Variants in BRWD1 observed in about 807,000 individuals in gnomAD.
BRWD1 encodes the protein bromodomain and WD repeat domain containing 1, also known as bromodomain and WD repeat-containing protein 1.
A neutral mutation model predicts 251.2 loss-of-function variants in BRWD1; 82 were observed. The ratio of observed to expected loss-of-function variants is 0.33; its 90% confidence interval spans 0.27 to 0.39. BRWD1 has a LOEUF of 0.39. BRWD1 is among the 10% of genes least tolerant of loss of function. The pLI is 1.00. For synonymous variants in BRWD1, 918 were observed against 902.8 expected, an observed-to-expected ratio of 1.02 and a Z score of -0.30; for missense variants, 2,233 against 2,711.6, an observed-to-expected ratio of 0.82 and a Z score of 3.92.
At position 39,313,223 on chromosome 21, in the gene BRWD1, C is replaced by G. The variant is rs1280004393; in HGVS notation, c.108+18G>C. The G allele has an allele frequency of 2.6e-6, 4 of 1,526,196 alleles. No individual in the cohort carries two copies. Among genetic ancestry groups the G allele is most frequent in the Non-Finnish European group, 3.5e-6 (4 of 1,130,558 alleles). 94.5% of individuals were successfully genotyped at this position (1,526,196 alleles called of 1,614,324 possible). Reference sequence around the variant, plus strand: ...CTGGGGACGCCAAGTCCGCAGCCGCCCGCGGGCCCGCACTCACCTGGGCCG... The same window carrying G: ...CTGGGGACGCCAAGTCCGCAGCCGCGCGCGGGCCCGCACTCACCTGGGCCG... On this transcript the variant is annotated intron_variant, in intron 2 of 40. Transcript: ENST00000342449.
chr21:39,309,207 G>T (rs1390198744), intron 4 of BRWD1, among the ~76,000 whole-genome samples: 1 of 151,758 alleles, frequency 6.6e-6, no homozygotes, highest in African/African-American at 2.4e-5. Context: ...GGAAGGTGTG[G>T]TGGCTCACAC....
At position 39,295,175 on chromosome 21, in the gene BRWD1, G is replaced by T. The variant is rs1473421833; in HGVS notation, c.609+568C>A. On this transcript the variant is annotated intron_variant, in intron 7 of 40. Transcript: ENST00000342449. ...GAGGGAAAGTGTTAGGTATGTCTAT[G>T]TTTTTTTTTTTTTTTTTTTTTTTTT... Among the ~76,000 whole-genome samples, 65 of 64,726 alleles carry T rather than the reference G, an allele frequency of 1.0e-3. 1 individual carries two copies. The highest frequency in any genetic ancestry group is 3.2e-3 in the African/African-American group (62 of 19,188). The allele number at this position is 64,726 out of a possible 152,430, so 42.5% of individuals were successfully genotyped here. A position where few individuals can be genotyped will look rare whatever the true frequency, so the allele number is the denominator to read the frequency against.
In BRWD1 at chr21:39,280,235, G is replaced by C. The variant is rs956723063; in HGVS notation, c.845C>G (p.Ala282Gly). ...SITSLQFSPM[A>G]KGSQRYMVST... is the part of the protein sequence containing the mutation. ...AACCATGTATCTTTGAGAGCCTTTG[G>C]CCATCGGGCTAAACTAAAAAGTAAA... The change falls in exon 9 of 41, where the codon GCC becomes GGC. Residue 282 changes from alanine (A) to glycine (G), a missense_variant. By Grantham distance (60) the Ala-to-Gly change is moderately conservative (BLOSUM62 0). Transcript: ENST00000342449. The C allele has an allele frequency of 2.5e-6, 4 of 1,605,766 alleles. No individual in the cohort carries two copies. The highest frequency in any genetic ancestry group is 3.4e-6 in the Non-Finnish European group (4 of 1,177,324).
At chr21:39,289,233 G>A (rs1392104989) in intron 8 of BRWD1, among the ~76,000 whole-genome samples, 1 of 151,994 alleles carries the variant, frequency 6.6e-6, no homozygotes, top group African/African-American at 2.4e-5. Context: ...GCAATCTCTT[G>A]CTATACTTTT....
At chr21:39,224,957 G>A (rs1446856523) in intron 28 of BRWD1, 129 bp downstream of exon 28, 6 of 670,086 alleles carry the variant, frequency 9.0e-6, no homozygotes, top group South Asian at 5.4e-5. Context: ...GAGACATTTC[G>A]GGTCAGCCTG....
At chr21:39,217,026 TATATATATAA>T (rs2032934791) in intron 31 of BRWD1, 31 of 20,614 alleles carry the variant, frequency 1.5e-3, no homozygotes, top group African/African-American at 3.0e-3. Context: ...TATATATATA[TATATATATAA>T]ATATATATAT....
In BRWD1 at chr21:39,313,234, C is replaced by CG. The variant is rs1313005295; in HGVS notation, c.108+6_108+7insC. The CG allele has an allele frequency of 6.5e-7, 1 of 1,536,044 alleles. No individual in the cohort carries two copies. Among genetic ancestry groups the CG allele is most frequent in the East Asian group, 2.5e-5 (1 of 39,392 alleles). On this transcript the variant is annotated splice_region_variant and intron_variant, in intron 2 of 40. Transcript: ENST00000342449. ...AAGTCCGCAGCCGCCCGCGGGCCCG[C>CG]ACTCACCTGGGCCGCTCTCCGACAC...
chr21:39,203,490 T>G (rs1354021599), intron 37 of BRWD1, among the ~76,000 whole-genome samples: 2 of 128,886 alleles, frequency 1.6e-5, no homozygotes, highest in Non-Finnish European at 1.6e-5. Flanking sequence ...CACTGCAAGC[T>G]CCGCCTCCCG....
upstream of BRWD1, chr21:39,314,022 C>T (rs1361185752): frequency 6.6e-6 from 3 of 455,210 alleles, no homozygotes; most frequent in East Asian, 1.4e-4. Flanking sequence ...TACGCGGGAC[C>T]GCAGGGGCCC....
chr21:39,187,903 G>A lies in BRWD1; in HGVS notation c.*8356C>T, dbSNP rs564771858. 1.0e-6 allele frequency: 1 copy of A among 977,332 alleles called. No individual in the cohort carries two copies. The highest frequency in any genetic ancestry group is 1.8e-5 in the African/African-American group (1 of 57,002). The allele number at this position is 977,332 out of a possible 1,614,324, so 60.5% of individuals were successfully genotyped here. ...TAACCTAGCCTAAGGGATCAAGGAAGGCTTCCTTTAAGGAAGCTTTTAGAC... is the reference window on the plus strand; with the variant it reads ...TAACCTAGCCTAAGGGATCAAGGAAAGCTTCCTTTAAGGAAGCTTTTAGAC... On this transcript the variant is annotated 3_prime_UTR_variant, in exon 41 of 41. Coordinates refer to ENST00000342449, the MANE Select transcript of BRWD1 (RefSeq NM_033656.4).
At position 39,194,662 on chromosome 21, in the gene BRWD1, G is replaced by T; in HGVS notation, c.*1597C>A. 1 of 1,533,642 alleles carries T rather than the reference G, an allele frequency of 6.5e-7. No individual in the cohort carries two copies. Among genetic ancestry groups the T allele is most frequent in the Non-Finnish European group, 8.7e-7 (1 of 1,145,230 alleles). On this transcript the variant is annotated 3_prime_UTR_variant, in exon 41 of 41. Transcript: ENST00000342449. ...AATGGAATAGATAACTACAAAATAG[G>T]AACACTTCAGAACATTCTCTAACAT...
At chr21:39,318,954 T>G (rs892098742) in intron 1 of BRWD1, among the ~76,000 whole-genome samples, 2 of 152,168 alleles carry the variant, frequency 1.3e-5, no homozygotes, top group Admixed American at 6.6e-5. Context: ...TTATTTATTT[T>G]TTAGAGACAG....
At chr21:39,284,447 C>T (rs1308832626) in intron 8 of BRWD1, among the ~76,000 whole-genome samples, 1 of 152,198 alleles carries the variant, frequency 6.6e-6, no homozygotes, top group East Asian at 1.9e-4. Context: ...CACTGCACTC[C>T]AGCCTGGGCA....
chr21:39,198,962 A>T lies in BRWD1; in HGVS notation c.5454T>A (p.Ile1818=). 1.2e-6 allele frequency: 2 copies of T among 1,613,876 alleles called. No homozygotes were observed. The highest frequency in any genetic ancestry group is 1.7e-6 in the Non-Finnish European group (2 of 1,179,968). The change falls in exon 40 of 41, where the codon ATT becomes ATA. Residue 1818 remains isoleucine (I), a synonymous_variant. Transcript: ENST00000342449. The part of the protein sequence containing the change: ...KNASFFKKTK[I]LSDSEDSESE... ...ATTCAGAGTCTTCTGAGTCACTCAG[A>T]ATCTTGGTTTTTTTAAAGAAACTCG...
chr21:39,215,133 G>C (rs751037619), intron 32 of BRWD1, 104 bp downstream of exon 32: 18 of 1,199,812 alleles, frequency 1.5e-5, no homozygotes, highest in Non-Finnish European at 1.9e-5. Context: ...ACTTCCCAAA[G>C]TGCTGGGATT....
chr21:39,207,328 G>A (rs1352526412), intron 36 of BRWD1, among the ~76,000 whole-genome samples: 2 of 151,810 alleles, frequency 1.3e-5, no homozygotes, highest in African/African-American at 2.4e-5. Context: ...CCAGCTACCC[G>A]GGAGGCTGAA....
At position 39,200,298 on chromosome 21, in the gene BRWD1, A is replaced by C. The variant is rs1005873054; in HGVS notation, c.4674T>G (p.Arg1558=). Residue 1558 remains arginine, a synonymous_variant, in exon 39 of 41, where the codon CGT becomes CGG. Transcript: ENST00000342449. The stretch of plus-strand genomic sequence containing the variant: ...ATAGCCCACTGCGTGAGGAGGATTC[A>C]CGAGCTCTGGAACTCTCTTTGCTTT... The part of the protein sequence containing the change: ...SEESKESSRA[R]ESSSRSGLSR... 1 of 1,614,144 alleles carries C rather than the reference A, an allele frequency of 6.2e-7. No individual in the cohort carries two copies. Among genetic ancestry groups the C allele is most frequent in the Non-Finnish European group, 8.5e-7 (1 of 1,180,018 alleles).
Position 39,196,287 on chromosome 21 carries a change from A to G in BRWD1, c.6782T>C (p.Val2261Ala). ...DGDDDRSLENVLDFNGCTL is the reference protein window; with the variant it reads ...DGDDDRSLENALDFNGCTL Reference sequence around the variant, plus strand: ...TAAGGTGCAACCATTGAAATCTAACACATTTTCTAAACTTCTGTCATCATC... The same window carrying G: ...TAAGGTGCAACCATTGAAATCTAACGCATTTTCTAAACTTCTGTCATCATC... The change falls in exon 41 of 41, where the codon GTG becomes GCG. Residue 2261 changes from valine (V) to alanine (A), a missense_variant. Coordinates refer to ENST00000342449, the MANE Select transcript of BRWD1 (RefSeq NM_033656.4). 6.2e-7 allele frequency: 1 copy of G among 1,606,654 alleles called. No individual in the cohort carries two copies. The highest frequency in any genetic ancestry group is 2.2e-5 in the East Asian group (1 of 44,836).
At chr21:39,261,129 G>T (rs2034729860) in intron 17 of BRWD1, among the ~76,000 whole-genome samples, 1 of 152,122 alleles carries the variant, frequency 6.6e-6, no homozygotes, top group Non-Finnish European at 1.5e-5. Flanking sequence ...GGAAGCTGAG[G>T]CAGGGAAACT....
Sources: allele counts gnomAD v4.1 joint callset (sites outside exome capture counted in the v4.1 genomes callset), GRCh38; gene constraint gnomAD v4.1.1; transcripts MANE v1.5; gene names NCBI Gene and HGNC (gene_info 2026-07-23, HGNC 2026-07-21).